Variants in PLCL1 observed in about 807,000 individuals in gnomAD.
PLCL1 encodes the protein phospholipase C like 1 (inactive).
A neutral mutation model predicts 84.4 loss-of-function variants in PLCL1; 41 were observed. The ratio of observed to expected loss-of-function variants is 0.49; its 90% CI spans 0.38 to 0.63. The LOEUF (loss-of-function observed/expected upper bound fraction) is 0.63, where lower values mean the gene tolerates loss of function less well. PLCL1 is among the 30% of genes least tolerant of loss of function. The pLI, the probability that PLCL1 is intolerant of heterozygous loss-of-function variation, is 0.00. For missense variants in PLCL1, 1,206 were observed against 1,367.8 expected (o/e 0.88, Z 1.87); for synonymous variants, 490 against 488.3 (o/e 1.00, Z -0.05).
chr2:197,928,994 A>T (rs1688882788), intron 1 of PLCL1, among the ~76,000 whole-genome samples: 2 of 152,118 alleles, frequency 1.3e-5, no homozygotes, highest in African/African-American at 2.4e-5. Flanking sequence ...TAATTTTTTC[A>T]ACTTTTCTAT....
chr2:197,880,289 G>A (rs758005854), intron 1 of PLCL1, among the ~76,000 whole-genome samples: 2 of 151,852 alleles, frequency 1.3e-5, no homozygotes, highest in South Asian at 4.2e-4. Context: ...AGAGGCAGCC[G>A]AAGGACTTTG....
At chr2:197,911,913 GTC>G (rs1688491264) in intron 1 of PLCL1, among the ~76,000 whole-genome samples, 1 of 152,188 alleles carries the variant, frequency 6.6e-6, no homozygotes, top group African/African-American at 2.4e-5. Flanking sequence ...ATGCATAGGA[GTC>G]TCTGGAAAGT....
chr2:198,041,186 C>A (rs892512), intron 1 of PLCL1, among the ~76,000 whole-genome samples: 42,524 of 152,044 alleles, frequency 0.28, 7,524 homozygotes, highest in African/African-American at 0.51. Flanking sequence ...ACTAACCCTT[C>A]GGTTTGAAAT....
chr2:197,937,987 A>C (rs1308602942), intron 1 of PLCL1, among the ~76,000 whole-genome samples: 1 of 152,170 alleles, frequency 6.6e-6, no homozygotes, highest in Non-Finnish European at 1.5e-5. Context: ...CAACAACCCA[A>C]GTCTGGAGAT....
intron 1 of PLCL1, among the ~76,000 whole-genome samples, chr2:197,850,738 G>T (rs1477551343): frequency 1.3e-5 from 2 of 152,106 alleles, no homozygotes; most frequent in Non-Finnish European, 2.9e-5. Context: ...GGACCTACGG[G>T]AATCCCTGAG....
intron 1 of PLCL1, among the ~76,000 whole-genome samples, chr2:197,884,386 A>C (rs958600079): frequency 2.0e-5 from 3 of 152,202 alleles, no homozygotes; most frequent in African/African-American, 7.2e-5. Flanking sequence ...GTTGTCCTAG[A>C]AGTCCTGTAC....
chr2:198,025,272 C>A (rs1016323594), intron 1 of PLCL1, among the ~76,000 whole-genome samples: 1 of 151,796 alleles, frequency 6.6e-6, no homozygotes, highest in Admixed American at 6.6e-5. Flanking sequence ...CATAAGCAAA[C>A]CCACACACAT....
chr2:197,812,784 T>C (rs700667), intron 1 of PLCL1, among the ~76,000 whole-genome samples: 110,775 of 152,146 alleles, frequency 0.73, 41,411 homozygotes, highest in African/African-American at 0.9. Context: ...AGACATTCTC[T>C]GATGTGAGGG....
chr2:198,031,554 G>A (rs1187888566), intron 1 of PLCL1, among the ~76,000 whole-genome samples: 1 of 151,522 alleles, frequency 6.6e-6, no homozygotes, highest in Admixed American at 6.6e-5. Context: ...GCAGTGGTGT[G>A]ATCAGAGCTC....
At chr2:198,127,730 C>G (rs553550585) in intron 5 of PLCL1, among the ~76,000 whole-genome samples, 63 of 152,274 alleles carry the variant, frequency 4.1e-4, no homozygotes, top group Non-Finnish European at 1.8e-4. Context: ...TGCAAATCTA[C>G]ATGGAAGCAG....
At chr2:198,025,360 T>C (rs989299085) in intron 1 of PLCL1, among the ~76,000 whole-genome samples, 5 of 152,002 alleles carry the variant, frequency 3.3e-5, no homozygotes, top group African/African-American at 1.2e-4. Flanking sequence ...ACAAATGTAG[T>C]ATACTAGATG....
chr2:198,144,511 A>C (rs184287385), intron 5 of PLCL1, among the ~76,000 whole-genome samples: 2 of 152,320 alleles, frequency 1.3e-5, no homozygotes, highest in East Asian at 3.9e-4. Flanking sequence ...GATAATGTTA[A>C]CCACTTTCTA....
At chr2:197,927,182 G>A (rs938131838) in intron 1 of PLCL1, among the ~76,000 whole-genome samples, 1 of 152,130 alleles carries the variant, frequency 6.6e-6, no homozygotes, top group African/African-American at 2.4e-5. Flanking sequence ...AGAATTTGTG[G>A]CCATCTTTTT....
In PLCL1 at chr2:198,085,814, C is replaced by A; in HGVS notation, c.2297C>A (p.Thr766Asn). 1 of 1,614,130 alleles carries A rather than the reference C, an allele frequency of 6.2e-7. No individual in the cohort carries two copies. The highest frequency in any genetic ancestry group is 8.5e-7 in the Non-Finnish European group (1 of 1,179,986). ...CCAGCGGATTGTTCGGAACAAAGAACTAAAACTGTACAGCAAAACAGTGAT... is the reference window on the plus strand; with the variant it reads ...CCAGCGGATTGTTCGGAACAAAGAAATAAAACTGTACAGCAAAACAGTGAT... ...GIPADCSEQR[T>N]KTVQQNSDNP... is the part of the protein sequence containing the mutation. The change falls in exon 2 of 6, where the codon ACT becomes AAT. Residue 766 changes from threonine (T) to asparagine (N), a missense_variant. Coordinates refer to ENST00000428675, the MANE Select transcript of PLCL1 (RefSeq NM_006226.4). This position sits in a 1 kb window ranked among gnomAD's most constrained non-coding sequence, Gnocchi z 5.3.
intron 1 of PLCL1, among the ~76,000 whole-genome samples, chr2:198,024,778 A>G (rs1330706657): frequency 1.3e-5 from 2 of 151,922 alleles, no homozygotes; most frequent in East Asian, 3.9e-4. Context: ...AAAAAAAACA[A>G]TTACTACGAG....
chr2:197,809,047 A>G (rs1451227281), intron 1 of PLCL1, among the ~76,000 whole-genome samples: 1 of 152,102 alleles, frequency 6.6e-6, no homozygotes, highest in African/African-American at 2.4e-5. Context: ...CTCTCATGTC[A>G]TCTTGGGCTG....
intron 1 of PLCL1, among the ~76,000 whole-genome samples, chr2:197,904,618 G>T (rs1688340437): frequency 6.6e-6 from 1 of 152,146 alleles, no homozygotes; most frequent in South Asian, 2.1e-4. Flanking sequence ...AGTGTCATGG[G>T]CTGACAGACG....
chr2:197,851,539 C>T (rs1687237316), intron 1 of PLCL1, among the ~76,000 whole-genome samples: 1 of 152,186 alleles, frequency 6.6e-6, no homozygotes, highest in Non-Finnish European at 1.5e-5. Flanking sequence ...GGCATGCTGC[C>T]TGAGCCGCTA....
At chr2:197,860,489 C>T (rs1050985605) in intron 1 of PLCL1, among the ~76,000 whole-genome samples, 10 of 152,256 alleles carry the variant, frequency 6.6e-5, no homozygotes, top group African/African-American at 4.8e-5. Flanking sequence ...TTTATACTCC[C>T]TCCGGTAGTG....
Sources: gnomAD v4.1 joint callset for allele counts (sites outside exome capture counted in the v4.1 genomes callset) on GRCh38, gnomAD v4.1.1 for gene constraint, Gnocchi (gnomAD v3.1) non-coding constraint, MANE v1.5 for transcripts, NCBI Gene and HGNC (gene_info 2026-07-23, HGNC 2026-07-21) for gene names.